The following P2RY8 variants were observed in gnomAD, a reference collection of about 807,000 sequenced individuals.
P2RY8 encodes the protein S-geranylgeranyl-glutathione receptor P2RY8.
Under a neutral mutation model 10.0 loss-of-function variants are expected in P2RY8, and 6 were observed. The ratio of observed to expected loss-of-function variants is 0.60; its 90% CI spans 0.33 to 1.19. The LOEUF (loss-of-function observed/expected upper bound fraction) is 1.19. Ranked by LOEUF, P2RY8 falls within the 50% of genes most tolerant of loss-of-function variation. P2RY8 has a pLI of 0.04. For synonymous variants in P2RY8, 276 were observed against 252.5 expected (o/e 1.09, Z -0.88); for missense variants, 456 against 542.0 (o/e 0.84, Z 1.58).
chrX:1,488,779 C>T (rs1373533435), intron 1 of P2RY8, among the ~76,000 whole-genome samples: 1 of 151,274 alleles, frequency 6.6e-6, no homozygotes, highest in African/African-American at 2.4e-5. Context: ...AGGACATTCC[C>T]AATGACTGTG....
At chrX:1,517,137 G>A (rs5989662) in intron 1 of P2RY8, among the ~76,000 whole-genome samples, 129,651 of 150,982 alleles carry the variant, frequency 0.86, 56,086 homozygotes, top group East Asian at 1. Context: ...AGCCTCCAGG[G>A]CTGTGGGAGA....
chrX:1,524,079 G>GAGTGTAGA (rs1298892413), intron 1 of P2RY8, among the ~76,000 whole-genome samples: 2 of 152,042 alleles, frequency 1.3e-5, no homozygotes. Flanking sequence ...GAGTTTTTTG[G>GAGTGTAGA]CATTGGAGTG....
chrX:1,504,315 C>A (rs867927371), intron 1 of P2RY8, among the ~76,000 whole-genome samples: 16 of 147,212 alleles, frequency 1.1e-4, no homozygotes, highest in Non-Finnish European at 9.0e-5. Context: ...GACTCTGTGT[C>A]AAAAAAAAAA....
intron 1 of P2RY8, among the ~76,000 whole-genome samples, chrX:1,498,897 C>T (rs1427742845): frequency 4.0e-5 from 6 of 151,480 alleles, no homozygotes; most frequent in African/African-American, 1.5e-4. Flanking sequence ...TGCAGTGGCA[C>T]GATCTTGGCT....
intron 1 of P2RY8, among the ~76,000 whole-genome samples, chrX:1,527,131 G>C (rs1444554223): frequency 2.0e-5 from 3 of 152,156 alleles, no homozygotes; most frequent in Non-Finnish European, 2.9e-5. Flanking sequence ...CTGACCTCAG[G>C]TGATCCGCCT....
chrX:1,532,066 G>A (rs2092479280), intron 1 of P2RY8, among the ~76,000 whole-genome samples: 1 of 152,000 alleles, frequency 6.6e-6, no homozygotes, highest in South Asian at 2.1e-4. Flanking sequence ...GGGTATCTAG[G>A]TAGAGGAAAG....
At chrX:1,478,397 A>T (rs2091900045) in intron 1 of P2RY8, among the ~76,000 whole-genome samples, 1 of 152,138 alleles carries the variant, frequency 6.6e-6, no homozygotes, top group Admixed American at 6.6e-5. Context: ...GGTGACAGAC[A>T]GGTCCTTTTG....
chrX:1,473,678 GTATA>G (rs2091830599), intron 1 of P2RY8, among the ~76,000 whole-genome samples: 1 of 134,878 alleles, frequency 7.4e-6, no homozygotes, highest in African/African-American at 2.8e-5. Context: ...ATGGGTGGAT[GTATA>G]GATGAGTAGG....
chrX:1,466,210 T>C lies in P2RY8; in HGVS notation c.349A>G (p.Ile117Val). The C allele has an allele frequency of 6.2e-7, 1 of 1,613,384 alleles. No individual in the cohort carries two copies. The highest frequency in any genetic ancestry group is 8.5e-7 in the Non-Finnish European group (1 of 1,179,650). The change falls in exon 2 of 2, where the codon ATC becomes GTC. Residue 117 changes from isoleucine (I) to valine (V), a missense_variant. Transcript: ENST00000381297. Reference sequence around the variant, plus strand: ...ACCCCCAGGAAGCGCTCCACGCTGATACAGGTCATGGTGAGGATGCTGGAA... The same window carrying C: ...ACCCCCAGGAAGCGCTCCACGCTGACACAGGTCATGGTGAGGATGCTGGAA... ...MYSSILTMTC[I>V]SVERFLGVLY...
At chrX:1,468,723 CTCCTCT>C (rs1346247399) in intron 1 of P2RY8, among the ~76,000 whole-genome samples, 6 of 134,670 alleles carry the variant, frequency 4.5e-5, no homozygotes, top group Non-Finnish European at 8.3e-5. Context: ...AGGTGGGACC[CTCCTCT>C]CCTCTCTCCT....
intron 1 of P2RY8, among the ~76,000 whole-genome samples, chrX:1,486,147 G>A (rs1169450430): frequency 1.3e-5 from 2 of 152,206 alleles, no homozygotes; most frequent in Non-Finnish European, 2.9e-5. Context: ...GAACCCGGGA[G>A]GCGGAGGTTG....
At chrX:1,470,306 G>T (rs1344189603) in intron 1 of P2RY8, among the ~76,000 whole-genome samples, 1 of 152,148 alleles carries the variant, frequency 6.6e-6, no homozygotes, top group African/African-American at 2.4e-5. Flanking sequence ...GAGGTCAGGA[G>T]TTCAAGACCA....
intron 1 of P2RY8, among the ~76,000 whole-genome samples, chrX:1,518,146 C>G (rs1480185361): frequency 6.6e-6 from 1 of 151,274 alleles, no homozygotes; most frequent in South Asian, 2.1e-4. Context: ...ATAATCTTGG[C>G]CGGGCGCGGT....
At chrX:1,530,157 GATCTATCTATCTATCTATCTATC>G (rs1168093059) in intron 1 of P2RY8, among the ~76,000 whole-genome samples, 2,709 of 42,466 alleles carry the variant, frequency 0.064, 36 homozygotes, top group South Asian at 0.23. Context: ...ATGTATGTAT[GATCTATCTATCTATCTATCTATC>G]TATCTATCTA....
intron 1 of P2RY8, among the ~76,000 whole-genome samples, chrX:1,516,460 T>C (rs1235172882): frequency 6.8e-6 from 1 of 148,026 alleles, no homozygotes; most frequent in Admixed American, 6.8e-5. Flanking sequence ...GTCTGTCGTT[T>C]CTAAGCCGCC....
intron 1 of P2RY8, among the ~76,000 whole-genome samples, chrX:1,474,568 ATGG>A (rs2091852259): frequency 1.1e-5 from 1 of 94,896 alleles, no homozygotes; most frequent in Non-Finnish European, 2.1e-5. Flanking sequence ...GGATGGATGG[ATGG>A]ATGGATGGAT....
chrX:1,508,703 AT>A (rs1480220742), intron 1 of P2RY8, among the ~76,000 whole-genome samples: 4,340 of 47,970 alleles, frequency 0.09, 108 homozygotes, highest in African/African-American at 0.12. Flanking sequence ...CCATCCATCC[AT>A]TCTATCTATC....
intron 1 of P2RY8, among the ~76,000 whole-genome samples, chrX:1,497,990 A>T (rs2092133805): frequency 6.6e-6 from 1 of 152,132 alleles, no homozygotes; most frequent in South Asian, 2.1e-4. Context: ...GGTGCCAGCC[A>T]ACAGACACGG....
chrX:1,465,878 G>T lies in P2RY8; in HGVS notation c.681C>A (p.His227Gln), dbSNP rs776809606. The T allele has an allele frequency of 6.2e-7, 1 of 1,612,468 alleles. No individual in the cohort carries two copies. Residue 227 changes from histidine to glutamine, a missense_variant, in exon 2 of 2, where the codon CAC (histidine) becomes CAA (glutamine). His to Gln is a conservative substitution (Grantham distance 24, BLOSUM62 0). Coordinates refer to ENST00000381297, the MANE Select transcript of P2RY8 (RefSeq NM_178129.5). ...CCGCGCGCCTCCGCTGCTCCCGGCC[G>T]TGCGCCTCCTCCGTGCGCAACAGCT... ...ILKLLRTEEA[H>Q]GREQRRRAVG...
Sources: allele counts gnomAD v4.1 joint callset (sites outside exome capture counted in the v4.1 genomes callset), GRCh38; gene constraint gnomAD v4.1.1; transcripts MANE v1.5; gene names NCBI Gene and HGNC (gene_info 2026-07-23, HGNC 2026-07-21).